Variants in CELF4 observed in about 807,000 individuals in gnomAD.
CELF4 encodes CUG-BP- and ETR-3-like factor 4.
CELF4 carries 18 observed loss-of-function variants against 59.9 expected under a neutral mutation model. The observed-to-expected ratio is 0.30, with a 90% CI of 0.21 to 0.45. CELF4 has a LOEUF of 0.45. Ranked by LOEUF, CELF4 falls within the 20% of genes least tolerant of loss-of-function variation. The probability of loss-of-function intolerance (pLI) is 1.00; values close to 1 mark genes in which losing one functional copy is unlikely to be tolerated. For synonymous variants in CELF4, 261 were observed against 267.1 expected (o/e 0.98, Z 0.22); for missense variants, 456 against 689.0 (o/e 0.66, Z 3.79).
At chr18:37,357,495 G>A (rs1404082027) in intron 2 of CELF4, among the ~76,000 whole-genome samples, 2 of 152,214 alleles carry the variant, frequency 1.3e-5, no homozygotes, top group Non-Finnish European at 2.9e-5. Flanking sequence ...TAGGGATGGG[G>A]TCCTCATGGA....
chr18:37,292,793 C>T (rs1001297792), intron 3 of CELF4, among the ~76,000 whole-genome samples: 41 of 152,306 alleles, frequency 2.7e-4, no homozygotes, highest in African/African-American at 9.9e-4. Flanking sequence ...TTGCAATGTG[C>T]ACCGTTTCTG....
At chr18:37,457,371 G>T (rs2099781242) in intron 2 of CELF4, among the ~76,000 whole-genome samples, 1 of 152,150 alleles carries the variant, frequency 6.6e-6, no homozygotes, top group Non-Finnish European at 1.5e-5. Flanking sequence ...CAGACACAGA[G>T]TCAGCTCTTT....
At chr18:37,274,504 G>T (rs1370071562) in intron 5 of CELF4, 50 bp from the exon 6 acceptor site, 14 of 1,608,410 alleles carry the variant, frequency 8.7e-6, no homozygotes, top group Non-Finnish European at 1.1e-5. Flanking sequence ...GCCTCCGCCC[G>T]CAGCTGTCGG....
chr18:37,246,420 A>G lies in CELF4; in HGVS notation c.*45-1223T>C. Among the ~76,000 whole-genome samples, 1 of 148,524 alleles carries G rather than the reference A, an allele frequency of 6.7e-6. No homozygotes were observed. The highest frequency in any genetic ancestry group is 2.1e-4 in the East Asian group (1 of 4,860). On this transcript the variant is annotated intron_variant, in intron 12 of 12. Coordinates refer to ENST00000420428, the MANE Select transcript of CELF4 (RefSeq NM_020180.4). This position sits in a 1 kb window ranked among gnomAD's most constrained non-coding sequence, Gnocchi z 5.3. ...CCAAAAAAAACCCTCCCGAGCCCCC[A>G]GTCCCCAGCCTCCCCTCCCCACATT...
chr18:37,447,806 T>G (rs2099752334), intron 2 of CELF4, among the ~76,000 whole-genome samples: 2 of 152,332 alleles, frequency 1.3e-5, no homozygotes, highest in South Asian at 4.1e-4. Flanking sequence ...TTGTGGGAGA[T>G]TCATTCACTT....
At chr18:37,266,285 G>C (rs2077492021) in intron 9 of CELF4, 1 of 590,626 alleles carries the variant, frequency 1.7e-6, no homozygotes, top group Admixed American at 3.0e-5. Context: ...TGCCCAGCAA[G>C]GGTGAAACTT....
At chr18:37,300,615 G>A (rs2095959574) in intron 3 of CELF4, among the ~76,000 whole-genome samples, 1 of 152,216 alleles carries the variant, frequency 6.6e-6, no homozygotes, top group East Asian at 1.9e-4. Context: ...GCAGGGCACT[G>A]TGCAAATTGC....
At chr18:37,318,295 G>A (rs919900526) in intron 3 of CELF4, among the ~76,000 whole-genome samples, 1 of 150,390 alleles carries the variant, frequency 6.6e-6, no homozygotes, top group Non-Finnish European at 1.5e-5. Flanking sequence ...TCCTCCTGCC[G>A]CTTATCCCCT....
intron 1 of CELF4, among the ~76,000 whole-genome samples, chr18:37,553,035 G>A (rs949114489): frequency 6.6e-6 from 1 of 152,188 alleles, no homozygotes; most frequent in African/African-American, 2.4e-5. Context: ...TCAGCTGCCG[G>A]GTCCCAGGCT....
chr18:37,413,152 C>G (rs934501819), intron 2 of CELF4, among the ~76,000 whole-genome samples: 3 of 152,182 alleles, frequency 2.0e-5, no homozygotes, highest in Non-Finnish European at 4.4e-5. Flanking sequence ...AACATATTGA[C>G]CCTGGGAGCC....
At chr18:37,354,247 G>A (rs2098522666) in intron 2 of CELF4, among the ~76,000 whole-genome samples, 1 of 152,154 alleles carries the variant, frequency 6.6e-6, no homozygotes, top group South Asian at 2.1e-4. Flanking sequence ...CCATTTTACA[G>A]ATGGCCAAAC....
intron 1 of CELF4, among the ~76,000 whole-genome samples, chr18:37,493,854 A>C (rs1489119511): frequency 3.3e-5 from 5 of 152,222 alleles, no homozygotes; most frequent in Non-Finnish European, 7.3e-5. Flanking sequence ...ACTCCAGAGA[A>C]GAACATGGCC....
chr18:37,348,445 C>T (rs1434676333), intron 2 of CELF4, among the ~76,000 whole-genome samples: 1 of 152,220 alleles, frequency 6.6e-6, no homozygotes, highest in Non-Finnish European at 1.5e-5. Flanking sequence ...TCCCACATCA[C>T]ATCAGGCGCT....
intron 3 of CELF4, among the ~76,000 whole-genome samples, chr18:37,307,805 A>G (rs750225441): frequency 1.3e-5 from 2 of 152,114 alleles, no homozygotes; most frequent in Non-Finnish European, 2.9e-5. Context: ...GTTAACTGAC[A>G]TAAAGGCTCA....
intron 2 of CELF4, among the ~76,000 whole-genome samples, chr18:37,389,634 T>C (rs2099135998): frequency 1.3e-5 from 2 of 151,928 alleles, no homozygotes; most frequent in African/African-American, 2.4e-5. Flanking sequence ...ACAGGACAGA[T>C]GTCCACTCCC....
chr18:37,350,980 A>G (rs1038037536), intron 2 of CELF4, among the ~76,000 whole-genome samples: 1 of 152,210 alleles, frequency 6.6e-6, no homozygotes, highest in Non-Finnish European at 1.5e-5. Context: ...ACTGCCTTCA[A>G]GGTTACCCAA....
chr18:37,312,449 T>C (rs1011189534), intron 3 of CELF4, among the ~76,000 whole-genome samples: 1 of 152,214 alleles, frequency 6.6e-6, no homozygotes, highest in African/African-American at 2.4e-5. Flanking sequence ...AAACCTCTTG[T>C]GTTGTAATGT....
rs529909366 is a variant in CELF4 at position 37,406,848 on chromosome 18, T to C, written c.369+78677A>G. Among the ~76,000 whole-genome samples, 4 of 150,988 alleles carry C rather than the reference T, an allele frequency of 2.6e-5. 1 individual carries two copies. Among genetic ancestry groups the C allele is most frequent in the South Asian group, 4.2e-4 (2 of 4,736 alleles). ...TGGAAGAAAGCCAGGAAAGGTATTA[T>C]GGGGTTGTGGGGAAGTGGGGGAATG... On this transcript the variant is annotated intron_variant, in intron 2 of 12. Coordinates refer to ENST00000420428, the MANE Select transcript of CELF4 (RefSeq NM_020180.4).
intron 2 of CELF4, among the ~76,000 whole-genome samples, chr18:37,369,163 G>A (rs532821345): frequency 2.8e-4 from 42 of 152,262 alleles, no homozygotes; most frequent in Admixed American, 2.7e-3. Context: ...TTTCCTTTCC[G>A]TATCTGCAGC....
Sources: allele counts gnomAD v4.1 joint callset (sites outside exome capture counted in the v4.1 genomes callset), GRCh38; gene constraint gnomAD v4.1.1; non-coding constraint Gnocchi (gnomAD v3.1); transcripts MANE v1.5; gene names NCBI Gene and HGNC (gene_info 2026-07-23, HGNC 2026-07-21).